CNTN6: variants seen among roughly 807,000 people sequenced by gnomAD.
CNTN6 encodes contactin 6.
CNTN6 carries 137 observed loss-of-function variants against 122.8 expected under a neutral mutation model. That is an observed-to-expected ratio of 1.12 (90% CI 0.97 to 1.29). The LOEUF (loss-of-function observed/expected upper bound fraction) is 1.29. CNTN6 is among the 50% of genes most tolerant of loss of function. The pLI is 0.00. For missense variants in CNTN6, 1,634 were observed against 1,223.4 expected (o/e 1.34, Z -5.01); for synonymous variants, 570 against 426.0 (o/e 1.34, Z -4.16).
At position 1,361,894 on chromosome 3, in the gene CNTN6, G is replaced by C. The variant is rs1707519228; in HGVS notation, c.1492+9443G>C. 2.6e-5 allele frequency among the ~76,000 whole-genome samples: 4 copies of C among 152,048 alleles called. No homozygotes were observed. The South Asian group carries it at 8.3e-4, about 31-fold the overall frequency. ...CTGCTGTTTTTCTTCTCAGAAATTT[G>C]TCAATTCCTAAGCAGTATAAATCAG... On this transcript the variant is annotated intron_variant, in intron 12 of 22. Coordinates refer to ENST00000446702, the MANE Select transcript of CNTN6 (RefSeq NM_001289080.2).
chr3:1,101,797 C>A (rs1004264641), intron 1 of CNTN6, among the ~76,000 whole-genome samples: 3 of 152,108 alleles, frequency 2.0e-5, no homozygotes, highest in Non-Finnish European at 4.4e-5. Context: ...GAAAAGCAAG[C>A]CAGTGGATGT....
chr3:1,189,863 A>G (rs147279836), intron 2 of CNTN6, among the ~76,000 whole-genome samples: 2,464 of 152,300 alleles, frequency 0.016, 38 homozygotes, highest in South Asian at 0.048. Context: ...TTACAGGCAA[A>G]CAAATTGGGG....
At position 1,388,048 on chromosome 3, in the gene CNTN6, G is replaced by C. The variant is rs1693373952; in HGVS notation, c.2704+2251G>C. On this transcript the variant is annotated intron_variant, in intron 20 of 22. Coordinates refer to ENST00000446702, the MANE Select transcript of CNTN6 (RefSeq NM_001289080.2). ...AAAGCAGCCAGGAAGCTCCAACTGG[G>C]TGGAGCCCACCACAGCTCAAGGAGG... is the stretch of plus-strand genomic sequence containing the variant. Among the ~76,000 whole-genome samples, 4 of 150,534 alleles carry C rather than the reference G, an allele frequency of 2.7e-5. No individual in the cohort carries two copies. In the South Asian group the frequency reaches 8.5e-4, roughly 32 times the overall value.
At chr3:1,257,120 A>G (rs1332604969) in intron 4 of CNTN6, among the ~76,000 whole-genome samples, 1 of 152,108 alleles carries the variant, frequency 6.6e-6, no homozygotes, top group African/African-American at 2.4e-5. Context: ...GTCTAGGTTT[A>G]TTTGTAAAAT....
At chr3:1,319,687 A>G (rs1012808221) in intron 7 of CNTN6, among the ~76,000 whole-genome samples, 1 of 151,576 alleles carries the variant, frequency 6.6e-6, no homozygotes, top group Non-Finnish European at 1.5e-5. Context: ...ATTTGCTGTC[A>G]TAAAAAGATA....
intron 4 of CNTN6, among the ~76,000 whole-genome samples, chr3:1,235,923 G>T (rs536252271): frequency 1.3e-5 from 2 of 152,022 alleles, no homozygotes; most frequent in East Asian, 3.9e-4. Flanking sequence ...GTGGGGGTGG[G>T]GTGAGGCCTG....
intron 2 of CNTN6, among the ~76,000 whole-genome samples, chr3:1,196,455 TTTTTTGTTTTTG>T (rs939464530): frequency 6.6e-6 from 1 of 152,210 alleles, no homozygotes; most frequent in Admixed American, 6.5e-5. Context: ...AAGAAGAGAT[TTTTTTGTTTTTG>T]TTTTTGTTTT....
rs533121035 is a variant in CNTN6, at chr3:1,397,920, T to C, written c.2705-3513T>C. 5.6e-3 allele frequency among the ~76,000 whole-genome samples: 856 copies of C among 152,246 alleles called. 12 individuals are homozygous for C. Among genetic ancestry groups the C allele is most frequent in the African/African-American group, 0.02 (813 of 41,550 alleles). Reference sequence around the variant, plus strand: ...AGTTGTTTTTGAATTGAGTTCACAGTGTGAACTACAGTTGAAAAGAAATGC... The same window carrying C: ...AGTTGTTTTTGAATTGAGTTCACAGCGTGAACTACAGTTGAAAAGAAATGC... On this transcript the variant is annotated intron_variant, in intron 20 of 22. Coordinates refer to ENST00000446702, the MANE Select transcript of CNTN6 (RefSeq NM_001289080.2).
chr3:1,321,579 G>T, intron 7 of CNTN6, 71 bp from the exon 8 acceptor site: 1 of 1,324,832 alleles, frequency 7.5e-7, no homozygotes. Context: ...TATTTGTATG[G>T]ATGCTCTTCT....
At chr3:1,400,562 GTGA>G in intron 20 of CNTN6, among the ~76,000 whole-genome samples, 1 of 152,234 alleles carries the variant, frequency 6.6e-6, no homozygotes, top group South Asian at 2.1e-4. Context: ...CAATCAGTTT[GTGA>G]TGATTTTCCC....
At chr3:1,241,114 G>T (rs1343353043) in intron 4 of CNTN6, among the ~76,000 whole-genome samples, 1 of 152,068 alleles carries the variant, frequency 6.6e-6, no homozygotes, top group Non-Finnish European at 1.5e-5. Flanking sequence ...CACAATGGTG[G>T]AATGTCATCA....
chr3:1,137,688 G>A (rs1471611666), intron 1 of CNTN6, among the ~76,000 whole-genome samples: 1 of 152,112 alleles, frequency 6.6e-6, no homozygotes, highest in Non-Finnish European at 1.5e-5. Flanking sequence ...ACCTCATGAG[G>A]TAGATGCTAC....
At chr3:1,363,113 A>C (rs79816748) in intron 12 of CNTN6, among the ~76,000 whole-genome samples, 2,677 of 152,072 alleles carry the variant, frequency 0.018, 80 homozygotes, top group African/African-American at 0.059. Flanking sequence ...TAAAAATTTC[A>C]TATATTTAAG....
Position 1,385,720 on chromosome 3 carries a change from T to G in CNTN6, c.2627T>G (p.Phe876Cys). ...ITGLKANTIY[F>C]ASVRAYNTAG... ...GGGCTGAAAGCTAATACCATCTACTTTGCTTCCGTAAGAGCTTACAACACT... is the reference window on the plus strand; with the variant it reads ...GGGCTGAAAGCTAATACCATCTACTGTGCTTCCGTAAGAGCTTACAACACT... Residue 876 changes from phenylalanine to cysteine, a missense_variant, in exon 20 of 23, where the codon TTT (phenylalanine) becomes TGT (cysteine). By Grantham distance (205) the Phe-to-Cys change is radical (BLOSUM62 -2). Transcript: ENST00000446702. 3 of 1,614,116 alleles carry G rather than the reference T, an allele frequency of 1.9e-6. No individual in the cohort carries two copies. Among genetic ancestry groups the G allele is most frequent in the Non-Finnish European group, 2.5e-6 (3 of 1,179,980 alleles).
At chr3:1,399,721 T>G (rs1331950459) in intron 20 of CNTN6, among the ~76,000 whole-genome samples, 9 of 152,118 alleles carry the variant, frequency 5.9e-5, no homozygotes, top group African/African-American at 2.2e-4. Context: ...AGCCACCTTA[T>G]TGTACAGTCA....
intron 2 of CNTN6, among the ~76,000 whole-genome samples, chr3:1,180,849 T>TA (rs2093541055): frequency 6.6e-6 from 1 of 152,230 alleles, no homozygotes; most frequent in African/African-American, 2.4e-5. Flanking sequence ...TTGTGAGAGT[T>TA]AAAATCCCTG....
At chr3:1,221,012 G>A (rs553137398) in intron 3 of CNTN6, among the ~76,000 whole-genome samples, 199 bp downstream of exon 3, 2 of 152,094 alleles carry the variant, frequency 1.3e-5, no homozygotes, top group Non-Finnish European at 2.9e-5. Flanking sequence ...CCCTCATGCC[G>A]CTTTCCAGGC....
intron 12 of CNTN6, among the ~76,000 whole-genome samples, chr3:1,355,647 T>C (rs1706425160): frequency 1.3e-5 from 2 of 151,744 alleles, no homozygotes; most frequent in Non-Finnish European, 3.0e-5. Context: ...TGTTACAGAA[T>C]CAAATATAAT....
chr3:1,329,110 T>C (rs1418116443), intron 10 of CNTN6, among the ~76,000 whole-genome samples: 1 of 151,252 alleles, frequency 6.6e-6, no homozygotes, highest in East Asian at 2.0e-4. Context: ...TACGTATATA[T>C]GTATATGTGT....
Sources: gnomAD v4.1 joint callset for allele counts (sites outside exome capture counted in the v4.1 genomes callset) on GRCh38, gnomAD v4.1.1 for gene constraint, MANE v1.5 for transcripts, NCBI Gene and HGNC (gene_info 2026-07-23, HGNC 2026-07-21) for gene names.